ASB9: variants seen among roughly 807,000 people sequenced by gnomAD.
ASB9 encodes the protein ankyrin repeat and SOCS box protein 9.
In ASB9, 5 loss-of-function variants were observed where a neutral mutation model predicts 16.6. The ratio of observed to expected loss-of-function variants is 0.30; its 90% CI spans 0.16 to 0.63. The LOEUF is 0.63. Among genes scored for constraint, ASB9 ranks in the 30% least tolerant of loss-of-function variants. The pLI is 0.82. For missense variants in ASB9, 216 were observed against 229.4 expected, an observed-to-expected ratio of 0.94 and a Z score of 0.38; for synonymous variants, 100 against 86.4, an observed-to-expected ratio of 1.16 and a Z score of -0.87.
At chrX:15,259,679 T>A (rs947895107) in intron 1 of ASB9, among the ~76,000 whole-genome samples, 28 of 112,135 alleles carry the variant, frequency 2.5e-4, no homozygotes, top group African/African-American at 8.8e-4. Flanking sequence ...AGGTTGAGCA[T>A]CCTTAACCCA....
At chrX:15,254,673 A>G (rs1172723673) in intron 3 of ASB9, 64 bp downstream of exon 3, 7 of 861,492 alleles carry the variant, frequency 8.1e-6, no homozygotes, top group Non-Finnish European at 1.2e-5. Context: ...GAAGTTATTC[A>G]GAAGGGATAT....
chrX:15,254,000 G>T (rs182994234), intron 3 of ASB9, among the ~76,000 whole-genome samples: 36 of 111,754 alleles, frequency 3.2e-4, no homozygotes, highest in Non-Finnish European at 5.3e-4. Flanking sequence ...TGTACCCTAG[G>T]TGTCTCTTGC....
Position 15,248,916 on chromosome X carries a change from C to T in ASB9, c.588G>A (p.Gly196=). The T allele has an allele frequency of 8.3e-7, 1 of 1,198,736 alleles. No individual in the cohort carries two copies. The highest frequency in any genetic ancestry group is 1.1e-6 in the Non-Finnish European group (1 of 887,893). The change falls in exon 6 of 7, where the codon GGG becomes GGA. Residue 196 remains glycine, a synonymous_variant. Coordinates refer to ENST00000380488, the MANE Select transcript of ASB9 (RefSeq NM_001031739.3). ...CATGAAGTGGGGAATCCTGACCTTT[C>T]CCTTGGTTCACGTCCGCTCCTAAAC... ...LLESGADVNQ[G]KGQDSPLHAV...
At chrX:15,260,242 G>T (rs377288729) in intron 1 of ASB9, among the ~76,000 whole-genome samples, 1 of 111,576 alleles carries the variant, frequency 9.0e-6, no homozygotes. Flanking sequence ...TAGTAAAAAT[G>T]TAAAAATTAG....
At chrX:15,247,994 G>A (rs1602136222) in intron 6 of ASB9, among the ~76,000 whole-genome samples, 1 of 112,271 alleles carries the variant, frequency 8.9e-6, no homozygotes, top group African/African-American at 3.2e-5. Context: ...CTTCTGGTAG[G>A]AAGGCCTGCT....
chrX:15,256,799 GA>G (rs1405239409), intron 2 of ASB9, among the ~76,000 whole-genome samples: 1 of 97,084 alleles, frequency 1.0e-5, no homozygotes, highest in Non-Finnish European at 2.1e-5. Flanking sequence ...AAAAAAGAAA[GA>G]AAAAAATGTG....
chrX:15,263,123 T>C (rs1420537021), intron 1 of ASB9, among the ~76,000 whole-genome samples: 4 of 111,990 alleles, frequency 3.6e-5, no homozygotes, highest in Admixed American at 9.5e-5. Flanking sequence ...AGATTTAAGA[T>C]GCACTAATTG....
At chrX:15,261,581 T>C (rs745548089) in intron 1 of ASB9, among the ~76,000 whole-genome samples, 6 of 112,323 alleles carry the variant, frequency 5.3e-5, no homozygotes, top group African/African-American at 1.9e-4. Flanking sequence ...ATGGGACCAT[T>C]ACTCTTTCTA....
At chrX:15,264,484 CA>C (rs1926230062) in intron 1 of ASB9, among the ~76,000 whole-genome samples, 1 of 111,650 alleles carries the variant, frequency 9.0e-6, no homozygotes, top group African/African-American at 3.3e-5. Context: ...TAACATGAAA[CA>C]AATCTCTATA....
chrX:15,256,888 T>C (rs1302460820), intron 2 of ASB9, among the ~76,000 whole-genome samples: 1 of 110,540 alleles, frequency 9.0e-6, no homozygotes, highest in Non-Finnish European at 1.9e-5. Flanking sequence ...AAATGTCCAA[T>C]TGGCAGGAGA....
chrX:15,253,563 G>A (rs1925302669), intron 3 of ASB9, among the ~76,000 whole-genome samples: 1 of 111,419 alleles, frequency 9.0e-6, no homozygotes, highest in African/African-American at 3.3e-5. Flanking sequence ...TCGTGCCACT[G>A]TACTCCAGCC....
chrX:15,267,224 C>A (rs1341211517), intron 1 of ASB9, among the ~76,000 whole-genome samples: 1 of 108,385 alleles, frequency 9.2e-6, no homozygotes, highest in Non-Finnish European at 1.9e-5. Flanking sequence ...ATGGTGAAAC[C>A]CCGTCTCTAC....
At chrX:15,254,709 T>C (rs1925397654) in intron 3 of ASB9, 28 bp downstream of exon 3, 1 of 1,121,361 alleles carries the variant, frequency 8.9e-7, no homozygotes, top group African/African-American at 1.8e-5. Context: ...ATTCTTGGTT[T>C]CTAAGATGTT....
chrX:15,253,966 G>A (rs1241148542), intron 3 of ASB9, among the ~76,000 whole-genome samples: 2 of 111,886 alleles, frequency 1.8e-5, no homozygotes, highest in Non-Finnish European at 1.9e-5. Context: ...GCAGGACCCT[G>A]AGAGCGAGCA....
intron 4 of ASB9, 33 bp from the exon 5 acceptor site, chrX:15,250,597 A>T (rs1925030621): frequency 1.7e-6 from 2 of 1,173,814 alleles, no homozygotes; most frequent in Non-Finnish European, 2.3e-6. Flanking sequence ...AAACAGTTAC[A>T]ATACAAGTTC....
chrX:15,269,249 G>A (rs1388434238), intron 1 of ASB9, among the ~76,000 whole-genome samples: 2 of 111,982 alleles, frequency 1.8e-5, no homozygotes, highest in African/African-American at 6.5e-5. Context: ...GTATTTGTGG[G>A]ATTCTGTACA....
At chrX:15,268,256 C>T (rs1050831797) in intron 1 of ASB9, among the ~76,000 whole-genome samples, 4 of 105,507 alleles carry the variant, frequency 3.8e-5, no homozygotes, top group African/African-American at 1.0e-4. Flanking sequence ...CTCTTGAACC[C>T]GGGAGGCAGA....
At chrX:15,266,935 CAAAAAAA>C (rs34454817) in intron 1 of ASB9, among the ~76,000 whole-genome samples, 5 of 78,429 alleles carry the variant, frequency 6.4e-5, no homozygotes, top group Admixed American at 5.8e-4. Context: ...GACTCCATCT[CAAAAAAA>C]AAAAAAAAAA....
In ASB9 at chrX:15,248,817, A is replaced by G; in HGVS notation, c.687T>C (p.Asn229=). ...GCTCCACAGGACGTTTGCCTTCAGC[A>G]TTCTTGGCCTGGGTGTCCGCTCCAA... ...MDFGADTQAK[N]AEGKRPVELV... The change falls in exon 6 of 7, where the codon AAT becomes AAC. Residue 229 remains asparagine, a synonymous_variant. Coordinates refer to ENST00000380488, the MANE Select transcript of ASB9 (RefSeq NM_001031739.3). 1 of 1,211,872 alleles carries G rather than the reference A, an allele frequency of 8.3e-7. No homozygotes were observed. The highest frequency in any genetic ancestry group is 1.8e-5 in the South Asian group (1 of 56,977).
Sources: gnomAD v4.1 joint callset for allele counts (sites outside exome capture counted in the v4.1 genomes callset) on GRCh38, gnomAD v4.1.1 for gene constraint, MANE v1.5 for transcripts, NCBI Gene and HGNC (gene_info 2026-07-23, HGNC 2026-07-21) for gene names.